Variants in LRP1B observed in about 807,000 individuals in gnomAD.
LRP1B encodes the protein LDL receptor related protein 1B.
A neutral mutation model predicts 556.6 loss-of-function variants in LRP1B; 217 were observed. That is an observed-to-expected ratio of 0.39 (90% CI 0.35 to 0.44). LRP1B has a LOEUF of 0.44. Among genes scored for constraint, LRP1B ranks in the 20% least tolerant of loss-of-function variants. LRP1B has a pLI of 1.00. For synonymous variants in LRP1B, 2,047 were observed against 1,865.8 expected, an observed-to-expected ratio of 1.10 and a Z score of -2.50; for missense variants, 5,053 against 5,620.8, an observed-to-expected ratio of 0.90 and a Z score of 3.23.
intron 32 of LRP1B, among the ~76,000 whole-genome samples, chr2:140,792,400 T>G (rs972734977): frequency 8.5e-5 from 13 of 152,192 alleles, no homozygotes; most frequent in African/African-American, 3.1e-4. Context: ...AATCCTGTTT[T>G]ATCTTCGGGT....
chr2:141,841,829 T>A (rs1393026989), intron 1 of LRP1B, among the ~76,000 whole-genome samples: 1 of 152,182 alleles, frequency 6.6e-6, no homozygotes, highest in Non-Finnish European at 1.5e-5. Flanking sequence ...CATCATATAA[T>A]AACTACACTG....
In LRP1B at chr2:140,334,433, G is replaced by A; in HGVS notation, c.12223+20C>T. ...ACTTGTCATTCTGCTTCATATTTTA[G>A]CGTGTGTCAGAAATCATACCTGTGG... On this transcript the variant is annotated intron_variant, in intron 79 of 90. Coordinates refer to ENST00000389484, the MANE Select transcript of LRP1B (RefSeq NM_018557.3). The A allele has an allele frequency of 7.2e-7, 1 of 1,394,794 alleles. No individual in the cohort carries two copies. The allele number at this position is 1,394,794 out of a possible 1,614,324, so 86.4% of individuals were successfully genotyped here.
chr2:141,130,627 A>G (rs1701326562), intron 7 of LRP1B, among the ~76,000 whole-genome samples: 1 of 152,142 alleles, frequency 6.6e-6, no homozygotes, highest in Non-Finnish European at 1.5e-5. Flanking sequence ...GTTTGTAAAA[A>G]GGTATTTGTG....
At chr2:141,649,077 T>G (rs1054538318) in intron 2 of LRP1B, among the ~76,000 whole-genome samples, 6 of 152,222 alleles carry the variant, frequency 3.9e-5, no homozygotes, top group Non-Finnish European at 1.5e-5. Context: ...AAAATTCTAA[T>G]TCATTCCTCA....
At chr2:141,590,061 C>G (rs982806151) in intron 2 of LRP1B, among the ~76,000 whole-genome samples, 1 of 151,910 alleles carries the variant, frequency 6.6e-6, no homozygotes. Flanking sequence ...GTACTGGAGG[C>G]TTATTCATTA....
chr2:141,590,683 A>G (rs535212856), intron 2 of LRP1B, among the ~76,000 whole-genome samples: 56 of 152,038 alleles, frequency 3.7e-4, no homozygotes, highest in African/African-American at 1.2e-3. Flanking sequence ...TCTCCTCCCA[A>G]TTTGGGCACT....
intron 2 of LRP1B, among the ~76,000 whole-genome samples, chr2:141,617,575 G>T (rs1439588229): frequency 1.3e-5 from 2 of 151,988 alleles, no homozygotes; most frequent in African/African-American, 4.8e-5. Context: ...TATTTTCTTA[G>T]TCTTTTCTCA....
intron 3 of LRP1B, among the ~76,000 whole-genome samples, chr2:141,331,458 A>G (rs1687641506): frequency 6.8e-6 from 1 of 146,406 alleles, no homozygotes; most frequent in Non-Finnish European, 1.5e-5. Flanking sequence ...AGGAGCCATG[A>G]GCTCAGGAAA....
At chr2:141,386,228 T>A (rs866816597) in intron 3 of LRP1B, among the ~76,000 whole-genome samples, 93 of 152,288 alleles carry the variant, frequency 6.1e-4, no homozygotes, top group Admixed American at 2.0e-3. Flanking sequence ...ATTATGCACA[T>A]GCAAATACTT....
At chr2:141,378,271 A>G (rs1689510034) in intron 3 of LRP1B, among the ~76,000 whole-genome samples, 1 of 152,248 alleles carries the variant, frequency 6.6e-6, no homozygotes, top group Admixed American at 6.5e-5. Flanking sequence ...AGCTGCCTGA[A>G]GAACATTGAA....
chr2:140,359,027 C>A, intron 72 of LRP1B, 81 bp from the exon 73 acceptor site: 1 of 1,370,222 alleles, frequency 7.3e-7, no homozygotes, highest in Non-Finnish European at 9.9e-7. Flanking sequence ...TTCTTTTATT[C>A]TTTTCAAATC....
At chr2:140,364,898 G>A (rs1682684264) in intron 71 of LRP1B, 115 bp from the exon 72 acceptor site, 1 of 767,450 alleles carries the variant, frequency 1.3e-6, no homozygotes, top group African/African-American at 1.8e-5. Flanking sequence ...TTCCATATAT[G>A]TATTATATTT....
chr2:141,705,041 G>A (rs190446058), intron 2 of LRP1B, among the ~76,000 whole-genome samples: 4 of 151,994 alleles, frequency 2.6e-5, no homozygotes, highest in East Asian at 1.9e-4. Flanking sequence ...CATGTACCAC[G>A]TACTAATCTA....
At chr2:140,633,329 C>T (rs1157178969) in intron 41 of LRP1B, among the ~76,000 whole-genome samples, 1 of 152,008 alleles carries the variant, frequency 6.6e-6, no homozygotes, top group African/African-American at 2.4e-5. Flanking sequence ...AATCTGTTGT[C>T]TCTTAGAGGA....
intron 21 of LRP1B, among the ~76,000 whole-genome samples, chr2:140,919,827 C>G (rs1694684217): frequency 6.6e-6 from 1 of 152,108 alleles, no homozygotes; most frequent in African/African-American, 2.4e-5. Context: ...CTTGAAGTCT[C>G]ACCTTCACAT....
At chr2:140,705,539 A>G (rs1302949379) in intron 37 of LRP1B, among the ~76,000 whole-genome samples, 1 of 33,502 alleles carries the variant, frequency 3.0e-5, no homozygotes, top group Non-Finnish European at 1.3e-4. Context: ...AAAAAAAAAA[A>G]AAAAAAAAAA....
At chr2:141,303,222 T>C (rs1023487834) in intron 3 of LRP1B, among the ~76,000 whole-genome samples, 3 of 152,148 alleles carry the variant, frequency 2.0e-5, no homozygotes, top group Admixed American at 2.0e-4. Context: ...TGGTTAATGA[T>C]GAAGTCAGGC....
intron 1 of LRP1B, among the ~76,000 whole-genome samples, chr2:142,034,670 T>A (rs567682224): frequency 6.6e-6 from 1 of 151,906 alleles, no homozygotes; most frequent in African/African-American, 2.4e-5. Flanking sequence ...CCTGAATAGA[T>A]CCCAGAATCT....
chr2:141,633,553 G>A (rs530617512), intron 2 of LRP1B, among the ~76,000 whole-genome samples: 28 of 151,836 alleles, frequency 1.8e-4, no homozygotes, highest in Admixed American at 6.6e-4. Flanking sequence ...CTACCAATAC[G>A]ACTTCAGAAA....
Sources: gnomAD v4.1 joint callset for allele counts (sites outside exome capture counted in the v4.1 genomes callset) on GRCh38, gnomAD v4.1.1 for gene constraint, MANE v1.5 for transcripts, NCBI Gene and HGNC (gene_info 2026-07-23, HGNC 2026-07-21) for gene names.